Variants in KIF4A observed in about 807,000 individuals in gnomAD.
The protein encoded by KIF4A is kinesin family member 4A.
A neutral mutation model predicts 105.9 loss-of-function variants in KIF4A; 7 were observed. The ratio of observed to expected loss-of-function variants is 0.07; its 90% CI spans 0.04 to 0.12. The LOEUF (loss-of-function observed/expected upper bound fraction) is 0.12. Ranked by LOEUF, KIF4A falls within the 10% of genes least tolerant of loss-of-function variation. KIF4A has a pLI of 1.00. For missense variants in KIF4A, 558 were observed against 929.2 expected (o/e 0.60, Z 5.19); for synonymous variants, 281 against 331.3 (o/e 0.85, Z 1.65).
intron 3 of KIF4A, among the ~76,000 whole-genome samples, chrX:70,295,141 C>G (rs1433555807): frequency 8.9e-6 from 1 of 111,852 alleles, no homozygotes; most frequent in Admixed American, 9.4e-5. Context: ...AACTAATCTA[C>G]AAAATAAACA....
intron 7 of KIF4A, 38 bp downstream of exon 7, chrX:70,302,436 A>T: frequency 8.8e-7 from 1 of 1,136,396 alleles, no homozygotes; most frequent in Middle Eastern, 2.4e-4. Flanking sequence ...TAGATTAAAA[A>T]CTTCTAGTAC....
chrX:70,333,330 AAAAAG>A (rs1246509649), intron 9 of KIF4A, among the ~76,000 whole-genome samples: 5 of 110,160 alleles, frequency 4.5e-5, no homozygotes, highest in African/African-American at 1.3e-4. Flanking sequence ...CAAAAAAAAA[AAAAAG>A]AAAAGAAAAG....
At chrX:70,361,194 C>T (rs764130232) in intron 15 of KIF4A, among the ~76,000 whole-genome samples, 1 of 113,534 alleles carries the variant, frequency 8.8e-6, no homozygotes, top group Non-Finnish European at 1.9e-5. Flanking sequence ...TCACTAACCT[C>T]TGCCCACACC....
chrX:70,347,000 C>T (rs1602760709), intron 13 of KIF4A, among the ~76,000 whole-genome samples: 1 of 111,940 alleles, frequency 8.9e-6, no homozygotes, highest in Non-Finnish European at 1.9e-5. Flanking sequence ...GGGCTTTAAG[C>T]GCTAAACTGT....
chrX:70,351,656 G>A (rs1043440281), intron 13 of KIF4A, among the ~76,000 whole-genome samples: 5 of 112,422 alleles, frequency 4.4e-5, no homozygotes, highest in Non-Finnish European at 9.4e-5. Flanking sequence ...GACAGAGGCT[G>A]CAGTACCTTT....
chrX:70,357,211 G>T (rs958851899), intron 15 of KIF4A, among the ~76,000 whole-genome samples: 1 of 111,515 alleles, frequency 9.0e-6, no homozygotes, highest in Non-Finnish European at 1.9e-5. Flanking sequence ...CTACTGGGGA[G>T]GCTGAGGCAG....
At chrX:70,296,230 A>G (rs1012551184) in intron 3 of KIF4A, among the ~76,000 whole-genome samples, 8 of 108,091 alleles carry the variant, frequency 7.4e-5, no homozygotes, top group African/African-American at 2.7e-4. Flanking sequence ...GATTATAGGC[A>G]CCTGCCACCA....
chrX:70,341,537 T>C (rs2085972280), intron 10 of KIF4A, among the ~76,000 whole-genome samples: 1 of 111,637 alleles, frequency 9.0e-6, no homozygotes, highest in South Asian at 3.8e-4. Context: ...TAGTCATTCC[T>C]GTTGCAACCG....
chrX:70,414,884 C>T (rs2086336978), intron 28 of KIF4A, among the ~76,000 whole-genome samples: 1 of 111,798 alleles, frequency 8.9e-6, no homozygotes, highest in Non-Finnish European at 1.9e-5. Flanking sequence ...TCACTCTGTT[C>T]CTTCATCCTG....
At chrX:70,321,897 C>T (rs2085891709) in intron 7 of KIF4A, among the ~76,000 whole-genome samples, 1 of 110,795 alleles carries the variant, frequency 9.0e-6, no homozygotes, top group African/African-American at 3.3e-5. Context: ...ACATCCTGCC[C>T]CTTCTTCTGG....
chrX:70,397,391 AGAAAG>A (rs766706781), intron 22 of KIF4A, among the ~76,000 whole-genome samples: 499 of 111,400 alleles, frequency 4.5e-3, no homozygotes, highest in Middle Eastern at 0.014. Flanking sequence ...ACAGACAGAA[AGAAAG>A]GAAAGGAAAG....
intron 7 of KIF4A, among the ~76,000 whole-genome samples, chrX:70,316,849 A>G (rs1322800267): frequency 8.9e-6 from 1 of 112,049 alleles, no homozygotes; most frequent in Non-Finnish European, 1.9e-5. Context: ...GAGAAAATAC[A>G]AGATGCCTAG....
intron 18 of KIF4A, among the ~76,000 whole-genome samples, chrX:70,383,628 A>G (rs1409357956): frequency 2.7e-5 from 3 of 112,280 alleles, no homozygotes; most frequent in Non-Finnish European, 5.6e-5. Context: ...AAAGTGGAAA[A>G]ACCCAACATG....
chrX:70,329,373 C>T, intron 7 of KIF4A, 32 bp from the exon 8 acceptor site: 2 of 1,162,066 alleles, frequency 1.7e-6, no homozygotes, highest in Non-Finnish European at 1.2e-6. Flanking sequence ...GATGCATTAC[C>T]AAGCAATTTA....
intron 7 of KIF4A, 76 bp downstream of exon 7, chrX:70,302,474 C>A: frequency 1.0e-6 from 1 of 996,918 alleles, no homozygotes; most frequent in Non-Finnish European, 1.4e-6. Flanking sequence ...GTGTTTTCGA[C>A]TGGGATTTGA....
At chrX:70,298,369 G>A (rs1251867522) in intron 4 of KIF4A, among the ~76,000 whole-genome samples, 2 of 109,863 alleles carry the variant, frequency 1.8e-5, no homozygotes, top group Admixed American at 9.7e-5. Flanking sequence ...AAGCAGCTGG[G>A]ACTACAAGCG....
intron 20 of KIF4A, among the ~76,000 whole-genome samples, chrX:70,389,572 A>AAT (rs1555953231): frequency 2.7e-5 from 3 of 112,610 alleles, no homozygotes; most frequent in South Asian, 3.6e-4. Flanking sequence ...GTCTCAAAAA[A>AAT]ATATATATAT....
intron 18 of KIF4A, among the ~76,000 whole-genome samples, chrX:70,385,456 T>C (rs1294251986): frequency 8.9e-6 from 1 of 112,596 alleles, no homozygotes; most frequent in Non-Finnish European, 1.9e-5. Flanking sequence ...TGACTTTTCA[T>C]TTCAACACAC....
At chrX:70,370,822 G>C (rs186246893) in intron 15 of KIF4A, among the ~76,000 whole-genome samples, 1 of 107,518 alleles carries the variant, frequency 9.3e-6, no homozygotes, top group African/African-American at 3.4e-5. Flanking sequence ...TGTAATCTCA[G>C]CTACTTGGGA....
Sources: allele counts gnomAD v4.1 joint callset (sites outside exome capture counted in the v4.1 genomes callset), GRCh38; gene constraint gnomAD v4.1.1; transcripts MANE v1.5; gene names NCBI Gene and HGNC (gene_info 2026-07-23, HGNC 2026-07-21).